Variants in DACH2 observed in about 807,000 individuals in gnomAD.
DACH2 encodes dachshund family transcription factor 2.
Under a neutral mutation model 35.8 loss-of-function variants are expected in DACH2, and 17 were observed. The ratio of observed to expected loss-of-function variants is 0.48; its 90% CI spans 0.33 to 0.71. DACH2 has a LOEUF of 0.71. Among genes scored for constraint, DACH2 ranks in the 30% least tolerant of loss-of-function variants. DACH2 has a pLI of 0.02. For missense variants in DACH2, 469 were observed against 472.7 expected, an observed-to-expected ratio of 0.99 and a Z score of 0.07; for synonymous variants, 195 against 177.3, an observed-to-expected ratio of 1.10 and a Z score of -0.79.
intron 1 of DACH2, among the ~76,000 whole-genome samples, chrX:86,173,229 C>T (rs746504762): frequency 2.7e-5 from 3 of 111,812 alleles, no homozygotes; most frequent in South Asian, 7.6e-4. Context: ...TGGGATACAT[C>T]TATTAAAAAG....
At chrX:86,822,738 G>GTTTTAA (rs2042525782) in intron 11 of DACH2, among the ~76,000 whole-genome samples, 1 of 111,491 alleles carries the variant, frequency 9.0e-6, no homozygotes, top group South Asian at 3.7e-4. Context: ...AAAACCGGGT[G>GTTTTAA]TAATTTAATA....
At chrX:86,232,450 C>T (rs1486435540) in intron 1 of DACH2, among the ~76,000 whole-genome samples, 1 of 112,032 alleles carries the variant, frequency 8.9e-6, no homozygotes, top group Non-Finnish European at 1.9e-5. Context: ...TACTATGCAT[C>T]TGACAAAGGT....
intron 3 of DACH2, among the ~76,000 whole-genome samples, chrX:86,586,358 T>C (rs1037774610): frequency 3.6e-5 from 4 of 111,716 alleles, no homozygotes; most frequent in Admixed American, 1.9e-4. Context: ...CCCTATTCTT[T>C]GGGTTGTCTG....
chrX:86,624,852 G>A (rs2040115035), intron 3 of DACH2, among the ~76,000 whole-genome samples: 1 of 111,271 alleles, frequency 9.0e-6, no homozygotes, highest in Non-Finnish European at 1.9e-5. Context: ...ATGGTATAGT[G>A]TTACTAGCAT....
intron 1 of DACH2, among the ~76,000 whole-genome samples, chrX:86,291,653 A>C (rs1464268997): frequency 1.9e-5 from 2 of 107,180 alleles, no homozygotes; most frequent in Non-Finnish European, 3.8e-5. Flanking sequence ...AAATTTTGTC[A>C]AAGGCCTTTT....
intron 4 of DACH2, among the ~76,000 whole-genome samples, chrX:86,670,642 C>A (rs2040754179): frequency 9.0e-6 from 1 of 111,213 alleles, no homozygotes; most frequent in Non-Finnish European, 1.9e-5. Context: ...GGCTGATGAA[C>A]AACAACAGCT....
intron 3 of DACH2, among the ~76,000 whole-genome samples, chrX:86,613,424 T>TA (rs770556982): frequency 3.7e-4 from 41 of 111,137 alleles, no homozygotes; most frequent in African/African-American, 9.8e-4. Context: ...ATGCTTATAT[T>TA]AAAAAAAACT....
intron 2 of DACH2, among the ~76,000 whole-genome samples, chrX:86,444,654 T>C (rs1241344163): frequency 9.0e-6 from 1 of 111,572 alleles, no homozygotes; most frequent in Non-Finnish European, 1.9e-5. Context: ...CTGGTTTTGT[T>C]TATTTGAGTT....
At chrX:86,195,974 C>A (rs1470466221) in intron 1 of DACH2, among the ~76,000 whole-genome samples, 2 of 112,001 alleles carry the variant, frequency 1.8e-5, no homozygotes, top group African/African-American at 6.5e-5. Context: ...AACATAAGCC[C>A]ACAAAGATGA....
chrX:86,555,017 G>T (rs762188937), intron 3 of DACH2, among the ~76,000 whole-genome samples: 2 of 110,207 alleles, frequency 1.8e-5, no homozygotes, highest in Non-Finnish European at 3.8e-5. Flanking sequence ...AGCTCATGAT[G>T]AGCTCAATTT....
chrX:86,549,951 C>T (rs1214058260), intron 3 of DACH2, among the ~76,000 whole-genome samples: 1 of 111,442 alleles, frequency 9.0e-6, no homozygotes, highest in Non-Finnish European at 1.9e-5. Context: ...AGTCCTCAAT[C>T]AACAGTTTCT....
At chrX:86,249,315 T>A (rs1326999019) in intron 1 of DACH2, among the ~76,000 whole-genome samples, 1 of 110,946 alleles carries the variant, frequency 9.0e-6, no homozygotes, top group Non-Finnish European at 1.9e-5. Flanking sequence ...GCAACAAATG[T>A]CTCATATCCA....
intron 1 of DACH2, among the ~76,000 whole-genome samples, chrX:86,287,857 ACATATCT>A (rs1207130295): frequency 8.9e-6 from 1 of 112,333 alleles, no homozygotes; most frequent in Non-Finnish European, 1.9e-5. Flanking sequence ...CTAAAAGGTC[ACATATCT>A]CTGTTTTTCC....
intron 6 of DACH2, among the ~76,000 whole-genome samples, chrX:86,723,640 T>C (rs978664075): frequency 1.8e-5 from 2 of 112,008 alleles, no homozygotes; most frequent in African/African-American, 3.2e-5. Flanking sequence ...TTTTATTCCA[T>C]TGTGGTCTGA....
chrX:86,157,556 G>A (rs1335727621), intron 1 of DACH2, among the ~76,000 whole-genome samples: 3 of 110,938 alleles, frequency 2.7e-5, no homozygotes, highest in African/African-American at 6.5e-5. Flanking sequence ...CACAGGGACC[G>A]CACTTAGGAA....
At chrX:86,741,035 C>T (rs925446475) in intron 7 of DACH2, among the ~76,000 whole-genome samples, 1 of 111,640 alleles carries the variant, frequency 9.0e-6, no homozygotes, top group Non-Finnish European at 1.9e-5. Flanking sequence ...GTCCAATTTC[C>T]TATGTACCCA....
intron 1 of DACH2, among the ~76,000 whole-genome samples, chrX:86,216,916 G>A (rs1001903218): frequency 9.1e-6 from 1 of 110,200 alleles, no homozygotes; most frequent in African/African-American, 3.3e-5. Context: ...CCAACGTAGC[G>A]AAACCTGACT....
intron 1 of DACH2, among the ~76,000 whole-genome samples, chrX:86,173,430 A>G (rs2031191634): frequency 8.9e-6 from 1 of 111,762 alleles, no homozygotes; most frequent in African/African-American, 3.3e-5. Flanking sequence ...AGTCAGTTAC[A>G]GTTTTAAATA....
At position 86,366,334 on chromosome X, in the gene DACH2, G is replaced by A. The variant is rs139120371; in HGVS notation, c.489-10490G>A. On this transcript the variant is annotated intron_variant, in intron 1 of 11. Coordinates refer to ENST00000373125, the MANE Select transcript of DACH2 (RefSeq NM_053281.3). ...GTGGGATAGTAATTAGCAGTCAGTA[G>A]GTGTGGCATGTTTTTCTCTGTGGAA... Among the ~76,000 whole-genome samples, 147 of 110,897 alleles carry A rather than the reference G, an allele frequency of 1.3e-3. 2 individuals are homozygous for A. The East Asian group carries it at 0.037, about 28-fold the overall frequency.
Sources: allele counts gnomAD v4.1 joint callset (sites outside exome capture counted in the v4.1 genomes callset), GRCh38; gene constraint gnomAD v4.1.1; transcripts MANE v1.5; gene names NCBI Gene and HGNC (gene_info 2026-07-23, HGNC 2026-07-21).